Variants in KCND2 observed in about 807,000 individuals in gnomAD.
The protein encoded by KCND2 is potassium voltage-gated channel subfamily D member 2.
In KCND2, 16 loss-of-function variants were observed where a neutral mutation model predicts 54.4. That is an observed-to-expected ratio of 0.29 (90% CI 0.20 to 0.45). The LOEUF (loss-of-function observed/expected upper bound fraction) is 0.45, where lower values mean the gene tolerates loss of function less well. Among genes scored for constraint, KCND2 ranks in the 20% least tolerant of loss-of-function variants. KCND2 has a pLI of 1.00. For synonymous variants in KCND2, 317 were observed against 310.7 expected (o/e 1.02, Z -0.21); for missense variants, 486 against 824.2 (o/e 0.59, Z 5.02).
intron 1 of KCND2, among the ~76,000 whole-genome samples, chr7:120,395,634 C>T (rs1025780995): frequency 1.3e-5 from 2 of 152,008 alleles, no homozygotes; most frequent in African/African-American, 2.4e-5. Context: ...TTTATACCCA[C>T]TTCTAATTAT....
intron 1 of KCND2, among the ~76,000 whole-genome samples, chr7:120,367,794 T>A (rs1035873704): frequency 6.6e-6 from 1 of 152,004 alleles, no homozygotes; most frequent in East Asian, 1.9e-4. Flanking sequence ...GTTACTTTTA[T>A]AATCATTTTC....
At chr7:120,622,725 A>T (rs896186834) in intron 1 of KCND2, among the ~76,000 whole-genome samples, 40 of 151,306 alleles carry the variant, frequency 2.6e-4, no homozygotes, top group African/African-American at 9.5e-4. Flanking sequence ...TCACACACAC[A>T]CACACACACA....
intron 1 of KCND2, among the ~76,000 whole-genome samples, chr7:120,641,267 G>A (rs1793368000): frequency 1.3e-5 from 2 of 151,974 alleles, no homozygotes; most frequent in South Asian, 4.1e-4. Context: ...AGCTAATCCT[G>A]TAATATTGAA....
At chr7:120,546,706 G>T (rs1322318977) in intron 1 of KCND2, among the ~76,000 whole-genome samples, 1 of 151,866 alleles carries the variant, frequency 6.6e-6, no homozygotes, top group Non-Finnish European at 1.5e-5. Context: ...TTGGAGAGTT[G>T]GGTTGGCAAA....
chr7:120,401,235 G>C (rs185805328), intron 1 of KCND2, among the ~76,000 whole-genome samples: 165 of 152,212 alleles, frequency 1.1e-3, no homozygotes, highest in Admixed American at 4.8e-3. Context: ...CCATGCAGCT[G>C]TACTGACATC....
intron 1 of KCND2, among the ~76,000 whole-genome samples, chr7:120,399,380 AC>A (rs1801207559): frequency 2.0e-5 from 3 of 151,894 alleles, no homozygotes; most frequent in Admixed American, 1.3e-4. Flanking sequence ...AGAGAAAAAA[AC>A]ATTAGAGGAA....
At chr7:120,657,293 T>A (rs1340242908) in intron 1 of KCND2, among the ~76,000 whole-genome samples, 1 of 152,170 alleles carries the variant, frequency 6.6e-6, no homozygotes, top group African/African-American at 2.4e-5. Flanking sequence ...GAACCCATGT[T>A]ATTATAAATA....
chr7:120,631,675 G>T (rs765874546), intron 1 of KCND2, among the ~76,000 whole-genome samples: 1 of 152,032 alleles, frequency 6.6e-6, no homozygotes, highest in African/African-American at 2.4e-5. Context: ...ATATTTCATC[G>T]CATAGATTGG....
intron 1 of KCND2, among the ~76,000 whole-genome samples, chr7:120,301,041 C>T (rs1736701817): frequency 6.6e-6 from 1 of 152,058 alleles, no homozygotes; most frequent in African/African-American, 2.4e-5. Context: ...CACACCTGGA[C>T]AGCCAAATAA....
At chr7:120,482,932 C>T (rs1305475144) in intron 1 of KCND2, among the ~76,000 whole-genome samples, 2 of 152,114 alleles carry the variant, frequency 1.3e-5, no homozygotes, top group African/African-American at 4.8e-5. Flanking sequence ...CATGACCCTA[C>T]TATTGACCCT....
At chr7:120,607,639 T>C (rs2116481865) in intron 1 of KCND2, among the ~76,000 whole-genome samples, 1 of 152,178 alleles carries the variant, frequency 6.6e-6, no homozygotes, top group Non-Finnish European at 1.5e-5. Context: ...ATGCAATAAA[T>C]AAGATGATTG....
At chr7:120,385,789 A>G (rs1031076458) in intron 1 of KCND2, among the ~76,000 whole-genome samples, 3 of 152,052 alleles carry the variant, frequency 2.0e-5, no homozygotes, top group Non-Finnish European at 4.4e-5. Context: ...TTTCTCTGCC[A>G]TATACCGGTA....
intron 1 of KCND2, among the ~76,000 whole-genome samples, chr7:120,397,985 GTGTGTGTGTGTATATATATATATA>G (rs1246937221): frequency 2.7e-5 from 1 of 36,910 alleles, no homozygotes; most frequent in Non-Finnish European, 8.3e-5. Context: ...GTGTGTGTGT[GTGTGTGTGTGTATATATATATATA>G]TATATATATA....
At chr7:120,388,711 G>T (rs990115487) in intron 1 of KCND2, among the ~76,000 whole-genome samples, 1 of 151,876 alleles carries the variant, frequency 6.6e-6, no homozygotes, top group African/African-American at 2.4e-5. Flanking sequence ...GGCATCCATG[G>T]GCTATGTGTA....
At chr7:120,657,308 G>A (rs1384078120) in intron 1 of KCND2, among the ~76,000 whole-genome samples, 2 of 152,056 alleles carry the variant, frequency 1.3e-5, no homozygotes, top group Admixed American at 6.5e-5. Flanking sequence ...TAAATAAGCA[G>A]ATGACTTTCT....
chr7:120,383,489 A>G (rs751733186), intron 1 of KCND2, among the ~76,000 whole-genome samples: 5 of 150,866 alleles, frequency 3.3e-5, no homozygotes, highest in Non-Finnish European at 7.4e-5. Flanking sequence ...GTGAAGCCTT[A>G]TAGTGCACTC....
chr7:120,390,936 C>T (rs758794734), intron 1 of KCND2, among the ~76,000 whole-genome samples: 1 of 152,062 alleles, frequency 6.6e-6, no homozygotes, highest in Non-Finnish European at 1.5e-5. Flanking sequence ...TTCTGGGATA[C>T]ATGTGCTGAA....
At chr7:120,448,243 T>C (rs1406300581) in intron 1 of KCND2, among the ~76,000 whole-genome samples, 1 of 147,792 alleles carries the variant, frequency 6.8e-6, no homozygotes, top group Non-Finnish European at 1.5e-5. Flanking sequence ...AGTGTTCTCA[T>C]TGTTCAATTC....
At chr7:120,652,584 C>T (rs1205620440) in intron 1 of KCND2, among the ~76,000 whole-genome samples, 2 of 152,108 alleles carry the variant, frequency 1.3e-5, no homozygotes, top group Admixed American at 6.5e-5. Flanking sequence ...AATTAGAAGC[C>T]CACCTCTCCT....
Sources: allele counts gnomAD v4.1 joint callset (sites outside exome capture counted in the v4.1 genomes callset), GRCh38; gene constraint gnomAD v4.1.1; transcripts MANE v1.5; gene names NCBI Gene and HGNC (gene_info 2026-07-23, HGNC 2026-07-21).